The following MAX variants were observed in gnomAD, a reference collection of about 807,000 sequenced individuals.
The protein encoded by MAX is MYC associated transcriptional regulator X.
MAX carries 3 observed loss-of-function variants against 22.3 expected under a neutral mutation model. The ratio of observed to expected loss-of-function variants is 0.13; its 90% CI spans 0.06 to 0.35. The LOEUF (loss-of-function observed/expected upper bound fraction) is 0.35, where lower values mean the gene tolerates loss of function less well. Ranked by LOEUF, MAX falls within the 10% of genes least tolerant of loss-of-function variation. The pLI, the probability that MAX is intolerant of heterozygous loss-of-function variation, is 1.00. For missense variants in MAX, 119 were observed against 209.4 expected, an observed-to-expected ratio of 0.57 and a Z score of 2.66; for synonymous variants, 72 against 77.7, an observed-to-expected ratio of 0.93 and a Z score of 0.39.
intron 3 of MAX, among the ~76,000 whole-genome samples, chr14:65,037,853 C>T (rs1442032193): frequency 1.3e-5 from 2 of 150,646 alleles, no homozygotes; most frequent in Non-Finnish European, 2.9e-5. Context: ...CAGACCAGCT[C>T]ACTGCAACCT....
In MAX at chr14:65,079,175, G is replaced by A. The variant is rs1256411545; in HGVS notation, c.172-1139C>T. 1.3e-5 allele frequency among the ~76,000 whole-genome samples: 2 copies of A among 152,208 alleles called. No individual in the cohort carries two copies. The highest frequency in any genetic ancestry group is 2.9e-5 in the Non-Finnish European group (2 of 68,044). ...TACAATGTGTTTCATCAAGACCCAA[G>A]ATTCCAGCCAAACTCTGAAACCACT... On this transcript the variant is annotated intron_variant, in intron 3 of 4. Transcript: ENST00000358664. The surrounding 1 kb of genome is among the most constrained non-coding windows in gnomAD (Gnocchi z 4.5).
intron 2 of MAX, among the ~76,000 whole-genome samples, chr14:65,100,613 C>T (rs2063803227): frequency 6.6e-6 from 1 of 152,176 alleles, no homozygotes; most frequent in Non-Finnish European, 1.5e-5. Context: ...CTTTATGGCC[C>T]TCATGGGCAT....
At position 65,054,392 on chromosome 14, in the gene MAX, GAGCCACTGTGCTC is replaced by G. The variant is rs753627863; in HGVS notation, c.171+39303_171+39315del. On this transcript the variant is annotated intron_variant, in intron 3 of 3. Coordinates refer to the MAX transcript ENST00000341653. This position sits in a 1 kb window ranked among gnomAD's most constrained non-coding sequence, Gnocchi z 4.4. ...TCCTGCTTGCTGGGATTATGGGTGT[GAGCCACTGTGCTC>G]AGCCAGTGGGGCTTTAAATAACACT... Among the ~76,000 whole-genome samples the G allele has an allele frequency of 4.0e-5, 6 of 151,702 alleles. No individual in the cohort carries two copies. Among genetic ancestry groups the G allele is most frequent in the Non-Finnish European group, 5.9e-5 (4 of 67,984 alleles).
chr14:65,017,103 A>G (rs1176937970), intron 3 of MAX, among the ~76,000 whole-genome samples: 1 of 151,884 alleles, frequency 6.6e-6, no homozygotes, highest in African/African-American at 2.4e-5. Flanking sequence ...TTGTATTTTT[A>G]GTAGAGGTAG....
Position 65,023,062 on chromosome 14 carries a change from T to A in MAX, c.172-16778A>T, listed in dbSNP as rs950582977. Among the ~76,000 whole-genome samples, 1 of 152,214 alleles carries A rather than the reference T, an allele frequency of 6.6e-6. No individual in the cohort carries two copies. Among genetic ancestry groups the A allele is most frequent in the Non-Finnish European group, 1.5e-5 (1 of 68,042 alleles). ...CTGATGACGGTGTTTAGAATCAACA[T>A]TGATTAATTGATTGAGACAGGGTCT... is the stretch of plus-strand genomic sequence containing the variant. On this transcript the variant is annotated intron_variant, in intron 3 of 3. Transcript: ENST00000341653. This position sits in a 1 kb window ranked among gnomAD's most constrained non-coding sequence, Gnocchi z 4.1.
rs1418531241 is a variant in MAX, at chr14:65,023,721, A to G, written c.172-17437T>C. On this transcript the variant is annotated intron_variant, in intron 3 of 3. Transcript: ENST00000341653. The surrounding 1 kb of genome is among the most constrained non-coding windows in gnomAD (Gnocchi z 4.1). ...TGCCTCATGTGGCTAGTGGCTGCCT[A>G]TTGGACAGCACAGATGTATCTCATT... Among the ~76,000 whole-genome samples, 1 of 152,076 alleles carries G rather than the reference A, an allele frequency of 6.6e-6. No homozygotes were observed. Among genetic ancestry groups the G allele is most frequent in the Non-Finnish European group, 1.5e-5 (1 of 67,984 alleles).
intron 3 of MAX, chr14:65,083,869 T>C: frequency 8.1e-7 from 1 of 1,240,186 alleles, no homozygotes; most frequent in Non-Finnish European, 1.0e-6. Context: ...GCTAAACTGG[T>C]GTACATTTCC....
chr14:65,063,114 G>A (rs981564288), intron 3 of MAX, among the ~76,000 whole-genome samples: 14 of 152,216 alleles, frequency 9.2e-5, no homozygotes, highest in African/African-American at 3.4e-4. Flanking sequence ...GATGTCCTGT[G>A]GCCTGACCCT....
downstream of MAX, among the ~76,000 whole-genome samples, chr14:65,072,769 G>A (rs1337707299): frequency 2.0e-5 from 3 of 152,370 alleles, no homozygotes; most frequent in Admixed American, 6.5e-5. Context: ...CTGAATCGTG[G>A]TGGGAGGGAA....
At position 65,009,890 on chromosome 14, in the gene MAX, CAT is replaced by C. The variant is rs1031463184; in HGVS notation, c.172-3608_172-3607del. Among the ~76,000 whole-genome samples the C allele has an allele frequency of 6.6e-5, 10 of 152,172 alleles. No homozygotes were observed. On this transcript the variant is annotated intron_variant, in intron 3 of 3. Transcript: ENST00000341653. The surrounding 1 kb of genome is among the most constrained non-coding windows in gnomAD (Gnocchi z 4.2). Reference sequence around the variant, plus strand: ...GACAGGGCTCTGCTTGTCATTTTCACATGTGTGTCCACCTCTGGACTGTCGCT... The same window carrying C: ...GACAGGGCTCTGCTTGTCATTTTCACGTGTGTCCACCTCTGGACTGTCGCT...
At chr14:65,101,747 C>A in intron 1 of MAX, 175 bp from the exon 2 acceptor site, 2 of 631,120 alleles carry the variant, frequency 3.2e-6, no homozygotes, top group Middle Eastern at 4.3e-4. Flanking sequence ...CGGCGGGATC[C>A]GGTAGCAGGG....
intron 2 of MAX, among the ~76,000 whole-genome samples, chr14:65,095,981 C>T (rs1278379004): frequency 6.6e-6 from 1 of 152,176 alleles, no homozygotes; most frequent in Non-Finnish European, 1.5e-5. Flanking sequence ...CCCTCCCATT[C>T]ACTGAGCTCT....
upstream of MAX, chr14:65,102,539 C>A: frequency 6.9e-7 from 1 of 1,447,528 alleles, no homozygotes; most frequent in Non-Finnish European, 9.1e-7. Context: ...TCAACGGCGG[C>A]ACGCACGCCC....
Position 65,076,318 on chromosome 14 carries a change from C to G in MAX, c.*158G>C, listed in dbSNP as rs2063053507. On this transcript the variant is annotated 3_prime_UTR_variant, in exon 5 of 5. Coordinates refer to ENST00000358664, the MANE Select transcript of MAX (RefSeq NM_002382.5). This position sits in a 1 kb window ranked among gnomAD's most constrained non-coding sequence, Gnocchi z 6.6. Reference sequence around the variant, plus strand: ...GGGGAAGGAGAACGAGAGCTGTTGTCCAAGAGCTTCTACGTAAAAATAAAA... The same window carrying G: ...GGGGAAGGAGAACGAGAGCTGTTGTGCAAGAGCTTCTACGTAAAAATAAAA... 4.7e-6 allele frequency: 7 copies of G among 1,490,656 alleles called. No individual in the cohort carries two copies. The highest frequency in any genetic ancestry group is 6.2e-6 in the Non-Finnish European group (7 of 1,125,864). 92.3% of individuals were successfully genotyped at this position (1,490,656 alleles called of 1,614,324 possible).
chr14:65,024,410 C>T (rs2061943285), intron 3 of MAX, among the ~76,000 whole-genome samples: 1 of 152,146 alleles, frequency 6.6e-6, no homozygotes, highest in Non-Finnish European at 1.5e-5. Flanking sequence ...ATCTGAATCA[C>T]CTGAGAATTT....
At position 65,070,117 on chromosome 14, in the gene MAX, T is replaced by G. The variant is rs2062970315; in HGVS notation, c.171+23591A>C. ...CGGATTCCGGATGAGTGACTGGGGG[T>G]GCATGCCCATTGGGTTATTTTTTGA... On this transcript the variant is annotated intron_variant, in intron 3 of 3. Transcript: ENST00000341653. This position sits in a 1 kb window ranked among gnomAD's most constrained non-coding sequence, Gnocchi z 4.4. 6.6e-6 allele frequency among the ~76,000 whole-genome samples: 1 copy of G among 151,934 alleles called. No homozygotes were observed. The highest frequency in any genetic ancestry group is 1.5e-5 in the Non-Finnish European group (1 of 68,000).
At chr14:65,071,886 G>C (rs1444507017), downstream of MAX, among the ~76,000 whole-genome samples, 1 of 152,220 alleles carries the variant, frequency 6.6e-6, no homozygotes, top group African/African-American at 2.4e-5. The surrounding 1 kb of genome is among the most constrained non-coding windows in gnomAD (Gnocchi z 4.2). Context: ...CTATAGTTAA[G>C]CCTGGCTTAG....
rs2062027763 is a variant in MAX at position 65,028,751 on chromosome 14, C to T, written c.172-22467G>A. On this transcript the variant is annotated intron_variant, in intron 3 of 3. Coordinates refer to the MAX transcript ENST00000341653. The surrounding 1 kb of genome is among the most constrained non-coding windows in gnomAD (Gnocchi z 4.4). Reference sequence around the variant, plus strand: ...TTAGGATCTGTGTATACCAGTGAAACCAGTAGAACGACTGAGGTAAATCAG... The same window carrying T: ...TTAGGATCTGTGTATACCAGTGAAATCAGTAGAACGACTGAGGTAAATCAG... 1.3e-5 allele frequency among the ~76,000 whole-genome samples: 2 copies of T among 152,182 alleles called. No homozygotes were observed. Among genetic ancestry groups the T allele is most frequent in the Admixed American group, 1.3e-4 (2 of 15,274 alleles).
At chr14:65,071,677 C>G (rs540515265), downstream of MAX, among the ~76,000 whole-genome samples, 57 of 152,232 alleles carry the variant, frequency 3.7e-4, no homozygotes, top group Non-Finnish European at 7.1e-4. This position sits in a 1 kb window ranked among gnomAD's most constrained non-coding sequence, Gnocchi z 4.2. Context: ...GCTGGCATGG[C>G]AGTCCAGACA....
Sources: allele counts gnomAD v4.1 joint callset (sites outside exome capture counted in the v4.1 genomes callset), GRCh38; gene constraint gnomAD v4.1.1; non-coding constraint Gnocchi (gnomAD v3.1); transcripts MANE v1.5; gene names NCBI Gene and HGNC (gene_info 2026-07-23, HGNC 2026-07-21).